Variants in PLA2G4C observed in about 807,000 individuals in gnomAD.
PLA2G4C encodes the protein cytosolic phospholipase A2 gamma.
PLA2G4C carries 64 observed loss-of-function variants against 73.8 expected under a neutral mutation model. That is an observed-to-expected ratio of 0.87 (90% CI 0.71 to 1.07). PLA2G4C has a LOEUF of 1.07. Ranked by LOEUF, PLA2G4C falls within the 50% of genes least tolerant of loss-of-function variation. PLA2G4C has a pLI of 0.00. For missense variants in PLA2G4C, 622 were observed against 665.4 expected (o/e 0.93, Z 0.72); for synonymous variants, 254 against 252.1 (o/e 1.01, Z -0.07).
intron 14 of PLA2G4C, among the ~76,000 whole-genome samples, chr19:48,057,474 C>CTTTTTTTTTT (rs1308682155): frequency 1.2e-3 from 21 of 16,842 alleles, no homozygotes; most frequent in East Asian, 8.4e-3. Flanking sequence ...TCTTCTTCTT[C>CTTTTTTTTTT]TTCTTCTTCT....
At chr19:48,084,200 C>A (rs1322617833) in intron 10 of PLA2G4C, among the ~76,000 whole-genome samples, 1 of 152,002 alleles carries the variant, frequency 6.6e-6, no homozygotes, top group African/African-American at 2.4e-5. Flanking sequence ...GCTGGGATCA[C>A]AGGCGTGCAC....
chr19:48,108,341 G>A (rs2032331971), intron 1 of PLA2G4C, among the ~76,000 whole-genome samples: 1 of 152,058 alleles, frequency 6.6e-6, no homozygotes, highest in Admixed American at 6.6e-5. Context: ...TCACTATGTT[G>A]CCCAGGCTGG....
At chr19:48,105,632 A>G (rs2032138133) in intron 2 of PLA2G4C, among the ~76,000 whole-genome samples, 188 bp from the exon 3 acceptor site, 1 of 152,122 alleles carries the variant, frequency 6.6e-6, no homozygotes, top group Admixed American at 6.6e-5. Context: ...CTGTGAATGC[A>G]TTGAATGCCA....
chr19:48,062,884 T>A (rs1424715404), intron 13 of PLA2G4C, among the ~76,000 whole-genome samples: 1 of 152,120 alleles, frequency 6.6e-6, no homozygotes, highest in Non-Finnish European at 1.5e-5. Context: ...GAGGTCATGA[T>A]GACATGTGCC....
At chr19:48,075,750 CTT>C (rs1212429158) in intron 11 of PLA2G4C, among the ~76,000 whole-genome samples, 1 of 152,178 alleles carries the variant, frequency 6.6e-6, no homozygotes, top group Non-Finnish European at 1.5e-5. Context: ...GGCCCCATCT[CTT>C]AATACCATCA....
At chr19:48,048,948 G>C (rs80144081) in intron 16 of PLA2G4C, among the ~76,000 whole-genome samples, 1 of 152,106 alleles carries the variant, frequency 6.6e-6, no homozygotes, top group East Asian at 1.9e-4. Flanking sequence ...GTGAGTTCTT[G>C]CTCTATTAGT....
At chr19:48,058,998 C>T (rs576649237) in intron 14 of PLA2G4C, among the ~76,000 whole-genome samples, 253 of 152,084 alleles carry the variant, frequency 1.7e-3, no homozygotes, top group Admixed American at 2.2e-3. Context: ...ATTGGCCGGG[C>T]GTGGTGGCTC....
At position 48,106,564 on chromosome 19, in the gene PLA2G4C, G is replaced by C. The variant is rs1182721700; in HGVS notation, c.-32-3C>G. 6.2e-7 allele frequency: 1 copy of C among 1,612,172 alleles called. No individual in the cohort carries two copies. Among genetic ancestry groups the C allele is most frequent in the Admixed American group, 1.7e-5 (1 of 60,014 alleles). Reference sequence around the variant, plus strand: ...CGGTCAGAAAATTCTCAGTCCTCCTGCCAAAGAAATGGCTCTTCTTAGTCC... The same window carrying C: ...CGGTCAGAAAATTCTCAGTCCTCCTCCCAAAGAAATGGCTCTTCTTAGTCC... On this transcript the variant is annotated splice_polypyrimidine_tract_variant and splice_region_variant and intron_variant, in intron 1 of 16. Transcript: ENST00000599921.
chr19:48,104,872 C>CAGGAGTTCA (rs2122136544), intron 3 of PLA2G4C, 148 bp from the exon 4 acceptor site: 1 of 712,180 alleles, frequency 1.4e-6, no homozygotes. Flanking sequence ...CACTTGAGGT[C>CAGGAGTTCA]AGGAGTTCAA....
chr19:48,055,336 G>A (rs1212635457), intron 14 of PLA2G4C, among the ~76,000 whole-genome samples: 1 of 150,004 alleles, frequency 6.7e-6, no homozygotes, highest in Non-Finnish European at 1.5e-5. Flanking sequence ...GCCTAGATGA[G>A]GCTTTGAATC....
intron 16 of PLA2G4C, among the ~76,000 whole-genome samples, chr19:48,052,695 A>G (rs1967771064): frequency 6.6e-6 from 1 of 152,190 alleles, no homozygotes; most frequent in African/African-American, 2.4e-5. Context: ...TGCTGATACC[A>G]TGAATTCACA....
chr19:48,094,310 T>C (rs2031461349), intron 7 of PLA2G4C, among the ~76,000 whole-genome samples: 1 of 152,218 alleles, frequency 6.6e-6, no homozygotes, highest in Non-Finnish European at 1.5e-5. Flanking sequence ...CTTATTTTTG[T>C]GTGTGTTCAT....
chr19:48,057,648 C>T (rs549392342), intron 14 of PLA2G4C, among the ~76,000 whole-genome samples: 32 of 150,444 alleles, frequency 2.1e-4, no homozygotes, highest in African/African-American at 7.1e-4. Context: ...TGCCACCATG[C>T]CTGGCTAATT....
chr19:48,062,542 G>A (rs777148588), intron 13 of PLA2G4C, among the ~76,000 whole-genome samples: 51 of 152,128 alleles, frequency 3.4e-4, no homozygotes, highest in Admixed American at 3.3e-3. Context: ...CCCATGAGCC[G>A]GAGGTTGCAG....
At chr19:48,055,841 T>A (rs1036086788) in intron 14 of PLA2G4C, among the ~76,000 whole-genome samples, 2 of 151,896 alleles carry the variant, frequency 1.3e-5, no homozygotes, top group East Asian at 1.9e-4. Context: ...TCCATGTTGG[T>A]CAGGTTGGTG....
In PLA2G4C at chr19:48,048,329, A is replaced by G; in HGVS notation, c.*14T>C. The G allele has an allele frequency of 6.3e-7, 1 of 1,595,112 alleles. No individual in the cohort carries two copies. Among genetic ancestry groups the G allele is most frequent in the Non-Finnish European group, 8.5e-7 (1 of 1,172,596 alleles). ...GACCAACAGGCCCACAGTGCCCTGG[A>G]AGCTGAGGCTCATCTATGCCAAGCA... On this transcript the variant is annotated 3_prime_UTR_variant, in exon 17 of 17. Transcript: ENST00000599921.
intron 14 of PLA2G4C, among the ~76,000 whole-genome samples, chr19:48,057,412 T>C (rs1053201808): frequency 6.7e-6 from 1 of 149,166 alleles, no homozygotes; most frequent in African/African-American, 2.4e-5. Flanking sequence ...ATATTACAAC[T>C]AGAAACCACT....
chr19:48,092,068 A>ATT (rs34316461), intron 7 of PLA2G4C, among the ~76,000 whole-genome samples: 5 of 144,070 alleles, frequency 3.5e-5, no homozygotes, highest in African/African-American at 7.5e-5. Context: ...CAAAAAAAAA[A>ATT]TTTTTTTTTT....
intron 9 of PLA2G4C, among the ~76,000 whole-genome samples, chr19:48,087,580 A>T (rs957977425): frequency 5.3e-5 from 8 of 152,128 alleles, no homozygotes; most frequent in Admixed American, 4.6e-4. Flanking sequence ...TGAGAGATGG[A>T]TGGCTTTCTG....
Sources: allele counts gnomAD v4.1 joint callset (sites outside exome capture counted in the v4.1 genomes callset), GRCh38; gene constraint gnomAD v4.1.1; transcripts MANE v1.5; gene names NCBI Gene and HGNC (gene_info 2026-07-23, HGNC 2026-07-21).